Variants in ZFHX3 observed in about 807,000 individuals in gnomAD.
ZFHX3 encodes the protein zinc finger homeobox 3, also known as zinc finger homeobox protein 3.
In ZFHX3, 42 loss-of-function variants were observed where a neutral mutation model predicts 279.1. That is an observed-to-expected ratio of 0.15 (90% CI 0.12 to 0.19). The LOEUF (loss-of-function observed/expected upper bound fraction) is 0.19, where lower values mean the gene tolerates loss of function less well. Ranked by LOEUF, ZFHX3 falls within the 10% of genes least tolerant of loss-of-function variation. ZFHX3 has a pLI of 1.00. For synonymous variants in ZFHX3, 2,293 were observed against 1,957.8 expected, an observed-to-expected ratio of 1.17 and a Z score of -4.52; for missense variants, 4,981 against 4,754.0, an observed-to-expected ratio of 1.05 and a Z score of -1.40.
chr16:73,378,126 G>A (rs1174613843), intron 3 of ZFHX3, among the ~76,000 whole-genome samples: 2 of 147,538 alleles, frequency 1.4e-5, no homozygotes, highest in African/African-American at 4.9e-5. Flanking sequence ...GGAGCTAATA[G>A]GTCAAAGAGC....
chr16:73,681,368 G>T (rs1359155187), intron 1 of ZFHX3, among the ~76,000 whole-genome samples: 1 of 152,158 alleles, frequency 6.6e-6, no homozygotes, highest in African/African-American at 2.4e-5. Flanking sequence ...GAATGCAGCA[G>T]GCATAGAGTA....
At position 72,958,497 on chromosome 16, in the gene ZFHX3, G is replaced by C. The variant is rs778513809; in HGVS notation, c.1649C>G (p.Thr550Ser). 1 of 1,613,950 alleles carries C rather than the reference G, an allele frequency of 6.2e-7. No individual in the cohort carries two copies. Among genetic ancestry groups the C allele is most frequent in the Non-Finnish European group, 8.5e-7 (1 of 1,180,054 alleles). ...LQTLSRGTAS[T>S]SSNSASSFVV... ...AAAGGAAGAAGCAGAATTAGAACTA[G>C]TAGAAGCTGTGCCCCTCGACAGGGT... The change falls in exon 2 of 10, where the codon ACT becomes AGT. Residue 550 changes from threonine to serine, a missense_variant. Coordinates refer to ENST00000268489, the MANE Select transcript of ZFHX3 (RefSeq NM_006885.4).
chr16:73,138,292 C>A (rs1966827613), intron 6 of ZFHX3, among the ~76,000 whole-genome samples: 2 of 152,130 alleles, frequency 1.3e-5, no homozygotes, highest in South Asian at 4.1e-4. Context: ...GGCCCCAGTG[C>A]CTACTTTTAC....
chr16:72,880,760 T>G (rs959703983), intron 4 of ZFHX3, among the ~76,000 whole-genome samples: 38 of 152,184 alleles, frequency 2.5e-4, no homozygotes, highest in Admixed American at 2.2e-3. Context: ...AATAAATGGC[T>G]CCTTTTATTA....
intron 3 of ZFHX3, among the ~76,000 whole-genome samples, chr16:73,375,635 CA>C (rs2016709490): frequency 6.6e-6 from 1 of 152,150 alleles, no homozygotes; most frequent in African/African-American, 2.4e-5. Flanking sequence ...AATTCAGTTA[CA>C]AGTTTTTATT....
chr16:73,149,281 C>T (rs1567402930), intron 5 of ZFHX3, among the ~76,000 whole-genome samples: 1 of 147,932 alleles, frequency 6.8e-6, no homozygotes, highest in East Asian at 2.0e-4. Context: ...ATTGACATTA[C>T]ATAATATTAT....
At chr16:73,888,015 T>C (rs950237548) in intron 1 of ZFHX3, among the ~76,000 whole-genome samples, 1 of 152,144 alleles carries the variant, frequency 6.6e-6, no homozygotes, top group Non-Finnish European at 1.5e-5. Context: ...AGCAGCAAGA[T>C]AAAAACAGCT....
chr16:73,385,400 C>A (rs942052086), intron 3 of ZFHX3, among the ~76,000 whole-genome samples: 1 of 152,194 alleles, frequency 6.6e-6, no homozygotes, highest in Non-Finnish European at 1.5e-5. Context: ...CATGAATAAA[C>A]GGCTGCCTGT....
chr16:73,246,084 C>A (rs1597240419), intron 5 of ZFHX3, among the ~76,000 whole-genome samples: 1 of 152,196 alleles, frequency 6.6e-6, no homozygotes, highest in East Asian at 1.9e-4. Context: ...TCCCAGGGTC[C>A]CAGCCAAGGT....
chr16:73,784,329 GCTTAACATA>G (rs1185440641), intron 1 of ZFHX3, among the ~76,000 whole-genome samples: 1 of 151,990 alleles, frequency 6.6e-6, no homozygotes, highest in African/African-American at 2.4e-5. Context: ...TGCTTAACAT[GCTTAACATA>G]TCTAGTGCCT....
At chr16:73,624,295 A>G (rs979579552) in intron 2 of ZFHX3, among the ~76,000 whole-genome samples, 4 of 152,224 alleles carry the variant, frequency 2.6e-5, no homozygotes, top group Non-Finnish European at 2.9e-5. Flanking sequence ...AAATGCACCA[A>G]TGTTTATGTT....
chr16:73,298,830 C>A (rs1460937817), intron 4 of ZFHX3, among the ~76,000 whole-genome samples: 1 of 152,202 alleles, frequency 6.6e-6, no homozygotes, highest in Middle Eastern at 3.2e-3. Context: ...TGTTTCGTTA[C>A]TGATAGTGAT....
intron 2 of ZFHX3, among the ~76,000 whole-genome samples, chr16:73,641,160 C>G (rs1421424724): frequency 1.3e-5 from 2 of 152,142 alleles, no homozygotes; most frequent in African/African-American, 2.4e-5. Context: ...ACATTTACCT[C>G]CCAACACGTG....
At chr16:73,087,858 G>A (rs1329775231) in intron 8 of ZFHX3, among the ~76,000 whole-genome samples, 2 of 150,044 alleles carry the variant, frequency 1.3e-5, no homozygotes, top group Non-Finnish European at 3.0e-5. Flanking sequence ...ATGGAGTCTC[G>A]CTCTTGTCAT....
At chr16:73,838,010 A>G (rs535319823) in intron 1 of ZFHX3, among the ~76,000 whole-genome samples, 3 of 152,360 alleles carry the variant, frequency 2.0e-5, no homozygotes, top group East Asian at 3.9e-4. Flanking sequence ...ATAAAGCCCC[A>G]GTGTCACTGC....
At chr16:73,585,156 A>G (rs1435435277) in intron 2 of ZFHX3, among the ~76,000 whole-genome samples, 1 of 152,330 alleles carries the variant, frequency 6.6e-6, no homozygotes, top group Non-Finnish European at 1.5e-5. Flanking sequence ...GGTGGCTCAC[A>G]CTTGTAATCA....
At chr16:73,585,676 G>A (rs1317475049) in intron 2 of ZFHX3, among the ~76,000 whole-genome samples, 1 of 152,156 alleles carries the variant, frequency 6.6e-6, no homozygotes, top group Non-Finnish European at 1.5e-5. Flanking sequence ...CACAGGGAGT[G>A]AAAACTATGT....
At chr16:73,670,095 T>G (rs2052887553) in intron 2 of ZFHX3, among the ~76,000 whole-genome samples, 1 of 152,182 alleles carries the variant, frequency 6.6e-6, no homozygotes, top group Non-Finnish European at 1.5e-5. Flanking sequence ...ATAAATTGCT[T>G]ACCAGCTGGA....
At chr16:73,404,336 T>C (rs1387789263) in intron 3 of ZFHX3, among the ~76,000 whole-genome samples, 1 of 152,176 alleles carries the variant, frequency 6.6e-6, no homozygotes, top group Non-Finnish European at 1.5e-5. Context: ...ACAATCAAAA[T>C]GTAAAACCTG....
Sources: allele counts gnomAD v4.1 joint callset (sites outside exome capture counted in the v4.1 genomes callset), GRCh38; gene constraint gnomAD v4.1.1; transcripts MANE v1.5; gene names NCBI Gene and HGNC (gene_info 2026-07-23, HGNC 2026-07-21).